CNTLN: variants seen among roughly 807,000 people sequenced by gnomAD.
CNTLN encodes the protein centlein, also known as centlein, centrosomal protein.
CNTLN carries 212 observed loss-of-function variants against 180.0 expected under a neutral mutation model. The ratio of observed to expected loss-of-function variants is 1.18; its 90% CI spans 1.05 to 1.32. The LOEUF is 1.32. Ranked by LOEUF, CNTLN falls within the 40% of genes most tolerant of loss-of-function variation. The pLI is 0.00. For missense variants in CNTLN, 2,095 were observed against 1,610.9 expected (o/e 1.30, Z -5.14); for synonymous variants, 722 against 563.1 (o/e 1.28, Z -3.99).
At chr9:17,429,650 A>G (rs76897886) in intron 18 of CNTLN, among the ~76,000 whole-genome samples, 2 of 151,900 alleles carry the variant, frequency 1.3e-5, no homozygotes, top group African/African-American at 4.8e-5. Flanking sequence ...TTTATGCAGG[A>G]AAAAAAGAGA....
chr9:17,499,733 C>A (rs1334037643), intron 25 of CNTLN, among the ~76,000 whole-genome samples: 2 of 152,014 alleles, frequency 1.3e-5, no homozygotes, highest in Admixed American at 1.3e-4. Context: ...AAATTTGTTT[C>A]AATTATTAAC....
rs565620186 is a variant in CNTLN, at chr9:17,451,333, G to T, written c.3115-6191G>T. On this transcript the variant is annotated intron_variant, in intron 18 of 25. Transcript: ENST00000380647. Reference sequence around the variant, plus strand: ...AACACAATAATAAGATTTTAAAATTGCTGCCTGTACTTAATTATGAATCAG... The same window carrying T: ...AACACAATAATAAGATTTTAAAATTTCTGCCTGTACTTAATTATGAATCAG... 6.6e-5 allele frequency among the ~76,000 whole-genome samples: 10 copies of T among 152,220 alleles called. No individual in the cohort carries two copies. In the East Asian group the frequency reaches 1.9e-3, roughly 29 times the overall value.
Position 17,226,156 on chromosome 9 carries a change from A to G in CNTLN, c.450-47A>G, listed in dbSNP as rs149850305. The G allele has an allele frequency of 1.1e-3, 1,112 of 968,500 alleles. 6 individuals are homozygous for G. The African/African-American group carries it at 0.018, about 15-fold the overall frequency. 60.0% of individuals were successfully genotyped at this position (968,500 alleles called of 1,614,324 possible). A position where few individuals can be genotyped will look rare whatever the true frequency, so the allele number is the denominator to read the frequency against. On this transcript the variant is annotated intron_variant, in intron 2 of 25. Transcript: ENST00000380647. ...TATTTGGGATATGAAAATTTAAAGT[A>G]TTAGCTACCAGTTATGACTAATAAA... is the stretch of plus-strand genomic sequence containing the variant.
At chr9:17,292,455 C>T (rs764003559) in intron 6 of CNTLN, among the ~76,000 whole-genome samples, 6 of 152,234 alleles carry the variant, frequency 3.9e-5, no homozygotes, top group South Asian at 4.1e-4. Flanking sequence ...GTCATAGGTT[C>T]GGTCTTTTTA....
At chr9:17,406,404 C>T (rs1178969283) in intron 15 of CNTLN, among the ~76,000 whole-genome samples, 4 of 151,736 alleles carry the variant, frequency 2.6e-5, no homozygotes, top group African/African-American at 9.7e-5. Flanking sequence ...GACTGTTGCT[C>T]GCTGAAAGCA....
intron 5 of CNTLN, among the ~76,000 whole-genome samples, chr9:17,252,883 AT>A (rs111961840): frequency 0.21 from 30,997 of 151,178 alleles, 4,006 homozygotes; most frequent in African/African-American, 0.36. Context: ...TTCTTCTAGT[AT>A]TTTTCTGTTT....
intron 18 of CNTLN, among the ~76,000 whole-genome samples, chr9:17,445,210 A>C (rs893430912): frequency 6.6e-6 from 1 of 152,200 alleles, no homozygotes; most frequent in African/African-American, 2.4e-5. Flanking sequence ...ATAAATGATC[A>C]ACATGATATG....
At chr9:17,413,618 T>C (rs918735475) in intron 16 of CNTLN, among the ~76,000 whole-genome samples, 1 of 151,940 alleles carries the variant, frequency 6.6e-6, no homozygotes, top group Non-Finnish European at 1.5e-5. Flanking sequence ...GAGCAAACAT[T>C]TTACCAAAAA....
intron 3 of CNTLN, 135 bp downstream of exon 3, chr9:17,226,422 A>G: frequency 2.1e-6 from 1 of 471,276 alleles, no homozygotes; most frequent in Non-Finnish European, 3.8e-6. Flanking sequence ...TACTATTTTG[A>G]AGTCACTAGT....
chr9:17,444,862 G>C (rs1282625848), intron 18 of CNTLN, among the ~76,000 whole-genome samples: 7 of 152,134 alleles, frequency 4.6e-5, no homozygotes, highest in African/African-American at 1.4e-4. Context: ...GGAATTTTGT[G>C]TGTTGGAAAA....
chr9:17,203,302 C>T (rs138101644), intron 2 of CNTLN, among the ~76,000 whole-genome samples: 1,641 of 152,146 alleles, frequency 0.011, 35 homozygotes, highest in African/African-American at 0.037. Flanking sequence ...GAGAATCTGA[C>T]GGTTATGTGT....
At chr9:17,481,241 G>A (rs1489529713) in intron 23 of CNTLN, among the ~76,000 whole-genome samples, 2 of 152,180 alleles carry the variant, frequency 1.3e-5, no homozygotes, top group East Asian at 1.9e-4. Context: ...TGGGCAGAGA[G>A]CCAACCCATT....
intron 12 of CNTLN, among the ~76,000 whole-genome samples, chr9:17,363,252 T>C (rs566879592): frequency 6.6e-6 from 1 of 152,326 alleles, no homozygotes; most frequent in East Asian, 1.9e-4. Flanking sequence ...ATGGGATTGC[T>C]GGGTCAAATA....
At chr9:17,462,074 C>T (rs1283349260) in intron 19 of CNTLN, among the ~76,000 whole-genome samples, 3 of 151,742 alleles carry the variant, frequency 2.0e-5, no homozygotes, top group Non-Finnish European at 2.9e-5. Flanking sequence ...ATGAGGTTTT[C>T]TATCAGTTAC....
intron 8 of CNTLN, among the ~76,000 whole-genome samples, chr9:17,311,920 C>T (rs1479660697): frequency 6.6e-6 from 1 of 152,130 alleles, no homozygotes; most frequent in Non-Finnish European, 1.5e-5. Flanking sequence ...GGAGGACTTA[C>T]ACTCCCTGAT....
intron 2 of CNTLN, among the ~76,000 whole-genome samples, chr9:17,203,093 T>C (rs927957921): frequency 3.3e-5 from 5 of 152,178 alleles, no homozygotes; most frequent in African/African-American, 9.7e-5. Context: ...CCTTCACTTA[T>C]GAAGCTTAGT....
At chr9:17,525,288 T>A in the CNTLN span, among the ~76,000 whole-genome samples, 1 of 152,180 alleles carries the variant, frequency 6.6e-6, no homozygotes, top group Non-Finnish European at 1.5e-5. Flanking sequence ...GAATATTAAG[T>A]ACATATAAAC....
chr9:17,339,265 A>C (rs1194431197), intron 10 of CNTLN, among the ~76,000 whole-genome samples: 2 of 152,204 alleles, frequency 1.3e-5, no homozygotes, highest in African/African-American at 4.8e-5. Context: ...ATTGCAGTAA[A>C]ATAATGCAGA....
At chr9:17,278,732 C>T (rs565959086) in intron 6 of CNTLN, among the ~76,000 whole-genome samples, 65 of 151,986 alleles carry the variant, frequency 4.3e-4, no homozygotes, top group Non-Finnish European at 7.8e-4. Flanking sequence ...AAAATAAATA[C>T]ATGCAGTACA....
Sources: gnomAD v4.1 joint callset for allele counts (sites outside exome capture counted in the v4.1 genomes callset) on GRCh38, gnomAD v4.1.1 for gene constraint, MANE v1.5 for transcripts, NCBI Gene and HGNC (gene_info 2026-07-23, HGNC 2026-07-21) for gene names.